Variants in MYOM2 observed in about 807,000 individuals in gnomAD.
MYOM2 encodes myomesin-2.
A neutral mutation model predicts 187.6 loss-of-function variants in MYOM2; 254 were observed. The ratio of observed to expected loss-of-function variants is 1.35; its 90% CI spans 1.22 to 1.50. MYOM2 has a LOEUF of 1.50. Ranked by LOEUF, MYOM2 falls within the 40% of genes most tolerant of loss-of-function variation. The pLI is 0.00. For missense variants in MYOM2, 2,796 were observed against 1,924.0 expected (o/e 1.45, Z -8.48); for synonymous variants, 981 against 753.8 (o/e 1.30, Z -4.94).
chr8:2,050,158 A>G (rs1818435172), intron 1 of MYOM2, among the ~76,000 whole-genome samples: 1 of 151,972 alleles, frequency 6.6e-6, no homozygotes, highest in East Asian at 1.9e-4. Flanking sequence ...TTCTGGTCAC[A>G]CCCACCCCTG....
rs1796050932 is a variant in MYOM2, at chr8:2,086,368, T to TCG, written c.1644+978_1644+979insCG. Among the ~76,000 whole-genome samples the TCG allele has an allele frequency of 5.7e-5, 6 of 105,674 alleles. 2 individuals are homozygous for TCG. The highest frequency in any genetic ancestry group is 1.4e-4 in the African/African-American group (3 of 22,156). 69.3% of individuals were successfully genotyped at this position (105,674 alleles called of 152,430 possible). A position where few individuals can be genotyped will look rare whatever the true frequency, so the allele number is the denominator to read the frequency against. ...GTGATCTCTGCGTGGCCTCCCACTGTTGTGATCTCTGCGTGGCCTCCCACT... is the reference window on the plus strand; with the variant it reads ...GTGATCTCTGCGTGGCCTCCCACTGTCGTGTGATCTCTGCGTGGCCTCCCACT... On this transcript the variant is annotated intron_variant, in intron 14 of 36. Transcript: ENST00000262113.
intron 28 of MYOM2, among the ~76,000 whole-genome samples, chr8:2,119,617 C>T (rs1216733814): frequency 6.6e-6 from 1 of 152,076 alleles, no homozygotes; most frequent in Non-Finnish European, 1.5e-5. Context: ...GAGCAGGAGC[C>T]CGCTGCCCTC....
intron 16 of MYOM2, 146 bp downstream of exon 16, chr8:2,092,666 A>G: frequency 2.5e-6 from 2 of 802,932 alleles, no homozygotes; most frequent in South Asian, 2.4e-5. Flanking sequence ...GGGCTGTATA[A>G]TTTTAAAGTT....
In MYOM2 at chr8:2,121,297, ATTG is replaced by A. The variant is rs1265216040; in HGVS notation, c.3454-1949_3454-1947del. ...GTTTATTCTTTTTGTTGTTGTTGGT[ATTG>A]TTGTTCTGACCGTGCCATACAAGGT... is the stretch of plus-strand genomic sequence containing the variant. On this transcript the variant is annotated intron_variant, in intron 28 of 36. Coordinates refer to ENST00000262113, the MANE Select transcript of MYOM2 (RefSeq NM_003970.4). Among the ~76,000 whole-genome samples the A allele has an allele frequency of 2.2e-4, 33 of 152,058 alleles. 1 individual carries two copies. The highest frequency in any genetic ancestry group is 2.2e-3 in the Admixed American group (33 of 15,268).
At chr8:2,083,152 A>G (rs771918912) in intron 13 of MYOM2, among the ~76,000 whole-genome samples, 1 of 152,254 alleles carries the variant, frequency 6.6e-6, no homozygotes, top group Non-Finnish European at 1.5e-5. Context: ...AATAATGCAT[A>G]TAACATATAA....
At chr8:2,071,245 T>C (rs1486582154) in intron 8 of MYOM2, among the ~76,000 whole-genome samples, 1 of 152,136 alleles carries the variant, frequency 6.6e-6, no homozygotes, top group Non-Finnish European at 1.5e-5. Context: ...TTCTCCCACC[T>C]TGGCCTCCCA....
intron 6 of MYOM2, among the ~76,000 whole-genome samples, chr8:2,066,160 C>T (rs118159877): frequency 4.5e-4 from 69 of 152,316 alleles, no homozygotes; most frequent in Non-Finnish European, 7.8e-4. Context: ...AGCCGGGTCA[C>T]ATCCCGTGAG....
At chr8:2,083,880 ACTGT>A (rs1214173605) in intron 13 of MYOM2, among the ~76,000 whole-genome samples, 2 of 152,120 alleles carry the variant, frequency 1.3e-5, no homozygotes, top group Non-Finnish European at 2.9e-5. Flanking sequence ...CATCAAAGGA[ACTGT>A]CTCTCACTCC....
At chr8:2,055,859 C>T (rs568471796) in intron 3 of MYOM2, among the ~76,000 whole-genome samples, 68 of 152,238 alleles carry the variant, frequency 4.5e-4, no homozygotes, top group Middle Eastern at 3.4e-3. Flanking sequence ...CCTCCAGCTC[C>T]GATACCGGGA....
At chr8:2,055,964 C>T (rs982723710) in intron 3 of MYOM2, among the ~76,000 whole-genome samples, 2 of 152,162 alleles carry the variant, frequency 1.3e-5, no homozygotes, top group East Asian at 1.9e-4. Flanking sequence ...TTCCCTCCAC[C>T]GCCTCCTTCC....
intron 19 of MYOM2, 140 bp downstream of exon 19, chr8:2,099,123 G>A (rs745903700): frequency 1.9e-5 from 22 of 1,154,074 alleles, no homozygotes; most frequent in Non-Finnish European, 2.5e-5. Flanking sequence ...GCCACCGTGC[G>A]CCAGGCGCCG....
intron 17 of MYOM2, among the ~76,000 whole-genome samples, chr8:2,095,005 A>T (rs1262163419): frequency 2.0e-5 from 3 of 152,166 alleles, no homozygotes; most frequent in African/African-American, 7.2e-5. Context: ...CACATGGGAC[A>T]CCCTTGGATT....
At chr8:2,092,161 A>G (rs945277942) in intron 15 of MYOM2, among the ~76,000 whole-genome samples, 185 bp from the exon 16 acceptor site, 3 of 150,972 alleles carry the variant, frequency 2.0e-5, no homozygotes, top group African/African-American at 7.3e-5. Flanking sequence ...AGAGACCAGC[A>G]CCTCCCAATG....
chr8:2,144,793 A>G lies in MYOM2; in HGVS notation c.4210A>G (p.Thr1404Ala). Residue 1404 changes from threonine to alanine, a missense_variant, in exon 37 of 37, where the codon ACC (threonine) becomes GCC (alanine). Transcript: ENST00000262113. ...GGAGCAGGCCAAGTACGTCAGCATGACCATCAAAGGCGTGACCTCCGAGGA... is the reference window on the plus strand; with the variant it reads ...GGAGCAGGCCAAGTACGTCAGCATGGCCATCAAAGGCGTGACCTCCGAGGA... ...KVEQAKYVSM[T>A]IKGVTSEDSG... 2 of 1,614,194 alleles carry G rather than the reference A, an allele frequency of 1.2e-6. No homozygotes were observed. Among genetic ancestry groups the G allele is most frequent in the Middle Eastern group, 1.6e-4 (1 of 6,062 alleles).
chr8:2,125,604 C>CTTTTTTTTTT (rs35137852), intron 31 of MYOM2, among the ~76,000 whole-genome samples: 1 of 89,304 alleles, frequency 1.1e-5, no homozygotes, highest in Non-Finnish European at 2.0e-5. Flanking sequence ...ATTATTTTTC[C>CTTTTTTTTTT]TTTTTTTTTT....
At position 2,081,852 on chromosome 8, in the gene MYOM2, C is replaced by T. The variant is rs546081377; in HGVS notation, c.1516+2239C>T. Reference sequence around the variant, plus strand: ...AGTTTGGCATCCAGACACTGTAGCTCTCATTTCCCGTTGGAGTAAAGACAC... The same window carrying T: ...AGTTTGGCATCCAGACACTGTAGCTTTCATTTCCCGTTGGAGTAAAGACAC... On this transcript the variant is annotated intron_variant, in intron 13 of 36. Coordinates refer to ENST00000262113, the MANE Select transcript of MYOM2 (RefSeq NM_003970.4). 3 of 152,374 alleles carry T rather than the reference C, an allele frequency of 2.0e-5. No individual in the cohort carries two copies. The East Asian group carries it at 5.8e-4, about 29-fold the overall frequency. The allele number at this position is 152,374 out of a possible 1,614,324, so 9.4% of individuals were successfully genotyped here.
intron 2 of MYOM2, among the ~76,000 whole-genome samples, 179 bp downstream of exon 2, chr8:2,051,052 C>T (rs1406370212): frequency 6.6e-6 from 1 of 152,104 alleles, no homozygotes; most frequent in African/African-American, 2.4e-5. Flanking sequence ...GTGGAGCTGG[C>T]GTAGTGTTCT....
chr8:2,095,632 C>G (rs960193506), intron 17 of MYOM2, among the ~76,000 whole-genome samples: 1 of 152,180 alleles, frequency 6.6e-6, no homozygotes, highest in African/African-American at 2.4e-5. Context: ...TTCCAGTCAC[C>G]TGTGTCTCAG....
chr8:2,099,618 C>T lies in MYOM2; in HGVS notation c.2440+635C>T, dbSNP rs189000306. Among the ~76,000 whole-genome samples the T allele has an allele frequency of 4.6e-5, 7 of 152,282 alleles. No individual in the cohort carries two copies. The East Asian group carries it at 9.7e-4, about 21-fold the overall frequency. On this transcript the variant is annotated intron_variant, in intron 19 of 36. Transcript: ENST00000262113. ...TTTTTTGTTTTGAGATGAGGTCTCT[C>T]TATGTTGCCCAGGCTGGTCTTGAAC...
Sources: allele counts gnomAD v4.1 joint callset (sites outside exome capture counted in the v4.1 genomes callset), GRCh38; gene constraint gnomAD v4.1.1; transcripts MANE v1.5; gene names NCBI Gene and HGNC (gene_info 2026-07-23, HGNC 2026-07-21).